TANC1: variants seen among roughly 807,000 people sequenced by gnomAD.
The protein encoded by TANC1 is tetratricopeptide repeat, ankyrin repeat and coiled-coil containing 1.
TANC1 carries 77 observed loss-of-function variants against 149.7 expected under a neutral mutation model. The observed-to-expected ratio is 0.51, with a 90% CI of 0.43 to 0.62. The LOEUF is 0.62. TANC1 is among the 20% of genes least tolerant of loss of function. The pLI is 0.00. For synonymous variants in TANC1, 854 were observed against 925.0 expected (o/e 0.92, Z 1.39); for missense variants, 1,985 against 2,321.8 (o/e 0.85, Z 2.98).
intron 2 of TANC1, among the ~76,000 whole-genome samples, chr2:159,039,293 G>A (rs1463673797): frequency 6.6e-6 from 1 of 152,052 alleles, no homozygotes; most frequent in Non-Finnish European, 1.5e-5. Flanking sequence ...TCAAAAAACA[G>A]CTCCTGGATT....
At chr2:159,071,849 C>T (rs748992775) in intron 3 of TANC1, among the ~76,000 whole-genome samples, 4 of 152,026 alleles carry the variant, frequency 2.6e-5, no homozygotes, top group Non-Finnish European at 5.9e-5. Context: ...AAAGTGTTTC[C>T]CAAGCAACAA....
intron 14 of TANC1, among the ~76,000 whole-genome samples, chr2:159,185,456 A>G (rs1270242361): frequency 6.6e-6 from 1 of 152,174 alleles, no homozygotes; most frequent in Non-Finnish European, 1.5e-5. Flanking sequence ...GTCACCTAGC[A>G]CGGCCTGGCT....
At position 159,231,363 on chromosome 2, in the gene TANC1, T is replaced by C. The variant is rs1360995095; in HGVS notation, c.*351T>C. On this transcript the variant is annotated 3_prime_UTR_variant, in exon 27 of 27. Transcript: ENST00000263635. ...CTTACTTAGAGAATAAATATGTCTA[T>C]TGTTCAAGAGTAACAGGTTTAACTC... The C allele has an allele frequency of 1.0e-5, 2 of 194,714 alleles. No homozygotes were observed. The highest frequency in any genetic ancestry group is 1.1e-4 in the Admixed American group (2 of 18,958). 12.1% of individuals were successfully genotyped at this position (194,714 alleles called of 1,614,324 possible).
chr2:159,169,474 A>G, intron 9 of TANC1, 102 bp downstream of exon 9: 1 of 1,244,018 alleles, frequency 8.0e-7, no homozygotes, highest in Non-Finnish European at 1.1e-6. Flanking sequence ...TGTTTATAAC[A>G]TGATGGAAAG....
At chr2:159,017,834 C>G (rs139279261) in intron 2 of TANC1, among the ~76,000 whole-genome samples, 2 of 151,936 alleles carry the variant, frequency 1.3e-5, no homozygotes, top group East Asian at 3.9e-4. Context: ...TGTAACAAAC[C>G]TGCATATTCT....
intron 2 of TANC1, among the ~76,000 whole-genome samples, chr2:159,018,739 A>G (rs2038520829): frequency 6.6e-6 from 1 of 151,588 alleles, no homozygotes; most frequent in Admixed American, 6.7e-5. Context: ...AGAATCTCAT[A>G]TTCGTCCCTT....
chr2:159,152,520 TTTGCTC>T (rs991960121), intron 7 of TANC1, among the ~76,000 whole-genome samples: 7 of 151,342 alleles, frequency 4.6e-5, no homozygotes, highest in Admixed American at 6.6e-5. Flanking sequence ...GAGACAGGGT[TTTGCTC>T]TGTTGCCCAG....
chr2:159,183,708 AAC>A (rs2056711493), intron 14 of TANC1, among the ~76,000 whole-genome samples: 1 of 152,150 alleles, frequency 6.6e-6, no homozygotes, highest in African/African-American at 2.4e-5. Flanking sequence ...GTTTTTTAAT[AAC>A]ACAGGAGATT....
At chr2:159,017,558 G>A (rs2038399722) in intron 2 of TANC1, among the ~76,000 whole-genome samples, 1 of 152,052 alleles carries the variant, frequency 6.6e-6, no homozygotes, top group South Asian at 2.1e-4. Flanking sequence ...ATGCAGACTG[G>A]ATATACCTGT....
chr2:159,224,192 C>G lies in TANC1; in HGVS notation c.3679-40C>G, dbSNP rs1158895563. ...TAAATCCGTGTGCGCCCCTGAACTC[C>G]TGTTCCCAGCTGCTGCTTAGGCTTC... On this transcript the variant is annotated intron_variant, in intron 22 of 26. Transcript: ENST00000263635. 8.7e-6 allele frequency: 14 copies of G among 1,612,434 alleles called. No individual in the cohort carries two copies. The Admixed American group carries it at 2.0e-4, about 23-fold the overall frequency.
At chr2:159,075,718 T>C (rs2043605206) in intron 3 of TANC1, among the ~76,000 whole-genome samples, 1 of 152,192 alleles carries the variant, frequency 6.6e-6, no homozygotes, top group South Asian at 2.1e-4. Flanking sequence ...ATTGTACCAA[T>C]GTACCATGGT....
At chr2:159,119,456 G>A (rs958249872) in intron 4 of TANC1, among the ~76,000 whole-genome samples, 1 of 152,164 alleles carries the variant, frequency 6.6e-6, no homozygotes, top group Non-Finnish European at 1.5e-5. Flanking sequence ...TCAAGAAGCA[G>A]CCACTCTGTT....
chr2:159,003,901 T>C, intron 2 of TANC1: 1 of 1,612,842 alleles, frequency 6.2e-7, no homozygotes, highest in Non-Finnish European at 8.5e-7. Flanking sequence ...GGGGCAAGGA[T>C]ACAGCTCGCA....
chr2:159,203,967 A>G (rs2058433322), intron 19 of TANC1, among the ~76,000 whole-genome samples: 1 of 152,140 alleles, frequency 6.6e-6, no homozygotes, highest in Admixed American at 6.5e-5. Flanking sequence ...GCCCAATAGA[A>G]CTTTCCGTAA....
chr2:159,129,478 T>A (rs992004311), intron 4 of TANC1, among the ~76,000 whole-genome samples: 1 of 152,076 alleles, frequency 6.6e-6, no homozygotes, highest in South Asian at 2.1e-4. Flanking sequence ...AGTGGAGTAA[T>A]TAAGGGAGGG....
intron 18 of TANC1, 71 bp from the exon 19 acceptor site, chr2:159,198,904 T>A (rs947597673): frequency 1.9e-6 from 2 of 1,070,046 alleles, no homozygotes; most frequent in African/African-American, 3.1e-5. Context: ...CACTGTCTCC[T>A]TTGATACATG....
intron 2 of TANC1, among the ~76,000 whole-genome samples, chr2:159,060,368 G>A (rs555750675): frequency 1.3e-5 from 2 of 152,288 alleles, no homozygotes; most frequent in Admixed American, 6.5e-5. Context: ...GAGTATGTGT[G>A]TTTAGGTATT....
intron 4 of TANC1, among the ~76,000 whole-genome samples, chr2:159,132,434 G>T (rs2050195533): frequency 6.6e-6 from 1 of 152,022 alleles, no homozygotes; most frequent in Admixed American, 6.6e-5. Context: ...ACATATTAAG[G>T]CCCGAGTTAG....
chr2:158,984,683 GGGA>G (rs1462775194), intron 1 of TANC1, among the ~76,000 whole-genome samples: 1 of 152,032 alleles, frequency 6.6e-6, no homozygotes, highest in Non-Finnish European at 1.5e-5. Context: ...GAGGAGTAGG[GGGA>G]GGAGGAGGAG....
Sources: allele counts gnomAD v4.1 joint callset (sites outside exome capture counted in the v4.1 genomes callset), GRCh38; gene constraint gnomAD v4.1.1; transcripts MANE v1.5; gene names NCBI Gene and HGNC (gene_info 2026-07-23, HGNC 2026-07-21).